Variants in WT1 observed in about 807,000 individuals in gnomAD.
The protein encoded by WT1 is WT1 transcription factor, also known as Wilms tumor protein.
In WT1, 8 loss-of-function variants were observed where a neutral mutation model predicts 60.8. The ratio of observed to expected loss-of-function variants is 0.13; its 90% CI spans 0.08 to 0.24. The LOEUF is 0.24. Ranked by LOEUF, WT1 falls within the 10% of genes least tolerant of loss-of-function variation. The pLI, the probability that WT1 is intolerant of heterozygous loss-of-function variation, is 1.00. For synonymous variants in WT1, 312 were observed against 297.1 expected, an observed-to-expected ratio of 1.05 and a Z score of -0.52; for missense variants, 568 against 711.8, an observed-to-expected ratio of 0.80 and a Z score of 2.30.
At chr11:32,432,257 C>T (rs1313710096) in intron 1 of WT1, among the ~76,000 whole-genome samples, 3 of 152,194 alleles carry the variant, frequency 2.0e-5, no homozygotes, top group Non-Finnish European at 2.9e-5. Context: ...GATTCCTCTC[C>T]CCTGGGGTTT....
At chr11:32,415,339 CTTAAGACGAG>C (rs1852631635) in intron 5 of WT1, among the ~76,000 whole-genome samples, 1 of 151,784 alleles carries the variant, frequency 6.6e-6, no homozygotes, top group Non-Finnish European at 1.5e-5. Flanking sequence ...AGCCAAGGAA[CTTAAGACGAG>C]TTAAGAACAG....
rs1421375977 is a variant in WT1, at chr11:32,409,039, CAGTAA to C, written c.1016+7446_1016+7450del. 4.6e-5 allele frequency among the ~76,000 whole-genome samples: 7 copies of C among 152,246 alleles called. No individual in the cohort carries two copies. The East Asian group carries it at 9.7e-4, about 21-fold the overall frequency. On this transcript the variant is annotated intron_variant, in intron 5 of 9. Transcript: ENST00000452863. ...TGAATATCCAATTTCCCTGTAGCCA[CAGTAA>C]AGTAATTTCAGAAGTCACTTTCATA...
Position 32,434,962 on chromosome 11 carries a change from C to A in WT1, c.399G>T (p.Pro133=), listed in dbSNP as rs2133103876. The A allele has an allele frequency of 4.5e-6, 7 of 1,547,324 alleles. No homozygotes were observed. The highest frequency in any genetic ancestry group is 6.1e-6 in the Non-Finnish European group (7 of 1,150,652). ...GAGGCGGCGGCGGCGGGGGTGGCGG[C>A]GGAGCCGGTGGCGGCGCGGGGCCGC... The change falls in exon 1 of 10, where the codon CCG becomes CCT. Residue 133 remains proline (P), a synonymous_variant. Coordinates refer to ENST00000452863, the MANE Select transcript of WT1 (RefSeq NM_024426.6).
Position 32,435,318 on chromosome 11 carries a change from G to A in WT1, c.43C>T (p.Pro15Ser). 2 of 1,532,620 alleles carry A rather than the reference G, an allele frequency of 1.3e-6. No individual in the cohort carries two copies. Among genetic ancestry groups the A allele is most frequent in the Non-Finnish European group, 1.7e-6 (2 of 1,146,226 alleles). The allele number at this position is 1,532,620 out of a possible 1,614,324, so 94.9% of individuals were successfully genotyped here. Residue 15 changes from proline to serine, a missense_variant, in exon 1 of 10, where the codon CCG (proline) becomes TCG (serine). Coordinates refer to ENST00000452863, the MANE Select transcript of WT1 (RefSeq NM_024426.6). ...AGCGTGTGCTGAGACGCCGGCTCCG[G>A]GACACACGTGGAAGCCGGGTCCTGC...
intron 7 of WT1, 58 bp downstream of exon 7, chr11:32,396,199 C>G: frequency 6.2e-7 from 1 of 1,611,864 alleles, no homozygotes; most frequent in Non-Finnish European, 8.5e-7. Flanking sequence ...AGTGTGAGAG[C>G]CTGGAAAAGG....
chr11:32,393,315 A>G (rs1473854103), intron 7 of WT1, among the ~76,000 whole-genome samples: 1 of 152,242 alleles, frequency 6.6e-6, no homozygotes, highest in Non-Finnish European at 1.5e-5. Context: ...AAAACACACC[A>G]AAAGCACTGA....
chr11:32,427,175 G>T (rs774074790), intron 3 of WT1, among the ~76,000 whole-genome samples: 3 of 152,244 alleles, frequency 2.0e-5, no homozygotes, highest in Non-Finnish European at 2.9e-5. Context: ...AGCCCCGTGC[G>T]GGCTGGTGTG....
At chr11:32,415,910 A>G (rs1852653181) in intron 5 of WT1, among the ~76,000 whole-genome samples, 2 of 152,318 alleles carry the variant, frequency 1.3e-5, no homozygotes, top group East Asian at 1.9e-4. Flanking sequence ...GGCCCACACA[A>G]TAAAGAAGAA....
chr11:32,407,681 C>T (rs985439713), intron 5 of WT1, among the ~76,000 whole-genome samples: 18 of 152,132 alleles, frequency 1.2e-4, no homozygotes, highest in Non-Finnish European at 5.9e-5. Context: ...ATACTCAGGG[C>T]TCATACGTGA....
chr11:32,388,284 T>C lies in WT1; in HGVS notation c.*774A>G, dbSNP rs184847211. 1 of 233,760 alleles carries C rather than the reference T, an allele frequency of 4.3e-6. No individual in the cohort carries two copies. The highest frequency in any genetic ancestry group is 8.5e-6 in the Non-Finnish European group (1 of 118,096). 14.5% of individuals were successfully genotyped at this position (233,760 alleles called of 1,614,324 possible). On this transcript the variant is annotated 3_prime_UTR_variant, in exon 10 of 10. Coordinates refer to ENST00000452863, the MANE Select transcript of WT1 (RefSeq NM_024426.6). The stretch of plus-strand genomic sequence containing the variant: ...TCCCCTCCATTTGTGCAAGGAGGTA[T>C]GTACATCTATAAAGACACATATGAT...
intron 5 of WT1, 135 bp downstream of exon 5, chr11:32,416,355 C>A: frequency 2.8e-6 from 3 of 1,057,210 alleles, no homozygotes; most frequent in East Asian, 4.7e-5. Flanking sequence ...GAGGTGGGGG[C>A]GGGGGAGAGA....
intron 4 of WT1, 132 bp downstream of exon 4, chr11:32,417,445 C>T (rs751855011): frequency 9.0e-5 from 72 of 795,626 alleles, no homozygotes; most frequent in South Asian, 7.1e-4. Flanking sequence ...AGGAGGAAAG[C>T]GTTCTAATGT....
chr11:32,408,313 G>A (rs1248648623), intron 5 of WT1, among the ~76,000 whole-genome samples: 3 of 151,818 alleles, frequency 2.0e-5, no homozygotes, highest in African/African-American at 4.8e-5. Context: ...AGGAGATCAG[G>A]ACCATCCTGG....
rs1449592892 is a variant in WT1 at position 32,388,747 on chromosome 11, G to T, written c.*311C>A. ...GCATAAAAAAAGAAGGGAAGGGTCA[G>T]GGGGACATGATCAGCTATGGCTCTT... is the stretch of plus-strand genomic sequence containing the variant. On this transcript the variant is annotated 3_prime_UTR_variant, in exon 10 of 10. Coordinates refer to ENST00000452863, the MANE Select transcript of WT1 (RefSeq NM_024426.6). The T allele has an allele frequency of 4.3e-6, 2 of 466,910 alleles. No homozygotes were observed. The highest frequency in any genetic ancestry group is 3.5e-5 in the Admixed American group (1 of 28,200). The allele number at this position is 466,910 out of a possible 1,614,324, so 28.9% of individuals were successfully genotyped here. A position where few individuals can be genotyped will look rare whatever the true frequency, so the allele number is the denominator to read the frequency against.
intron 5 of WT1, among the ~76,000 whole-genome samples, chr11:32,401,685 G>A (rs1383464054): frequency 6.6e-6 from 1 of 151,956 alleles, no homozygotes; most frequent in African/African-American, 2.4e-5. Flanking sequence ...GATTACAGGC[G>A]CACGTCACCA....
chr11:32,406,019 T>C (rs1852298610), intron 5 of WT1, among the ~76,000 whole-genome samples: 1 of 152,138 alleles, frequency 6.6e-6, no homozygotes, highest in African/African-American at 2.4e-5. Context: ...TGCTGAAGGT[T>C]TTAAAGGTGA....
intron 5 of WT1, among the ~76,000 whole-genome samples, chr11:32,405,694 A>G (rs1370037750): frequency 6.6e-6 from 1 of 152,152 alleles, no homozygotes; most frequent in Admixed American, 6.5e-5. Context: ...CCCGCATCAG[A>G]CTGATGCAAT....
At chr11:32,405,465 T>A (rs1046725733) in intron 5 of WT1, among the ~76,000 whole-genome samples, 1 of 149,530 alleles carries the variant, frequency 6.7e-6, no homozygotes, top group Non-Finnish European at 1.5e-5. Flanking sequence ...AATATATATA[T>A]TTTTAATATA....
chr11:32,421,394 A>G (rs1296407899), intron 3 of WT1, among the ~76,000 whole-genome samples: 1 of 152,202 alleles, frequency 6.6e-6, no homozygotes, highest in Non-Finnish European at 1.5e-5. Flanking sequence ...TTCAGCTCCA[A>G]CCGTCTAACT....
Sources: gnomAD v4.1 joint callset for allele counts (sites outside exome capture counted in the v4.1 genomes callset) on GRCh38, gnomAD v4.1.1 for gene constraint, MANE v1.5 for transcripts, NCBI Gene and HGNC (gene_info 2026-07-23, HGNC 2026-07-21) for gene names.